Variants in SEPTIN14 observed in about 807,000 individuals in gnomAD.
The protein encoded by SEPTIN14 is septin 14, also known as septin-14.
Under a neutral mutation model 53.6 loss-of-function variants are expected in SEPTIN14, and 40 were observed. The observed-to-expected ratio is 0.75, with a 90% CI of 0.58 to 0.97. The LOEUF (loss-of-function observed/expected upper bound fraction) is 0.97, where lower values mean the gene tolerates loss of function less well. Among genes scored for constraint, SEPTIN14 ranks in the 50% least tolerant of loss-of-function variants. SEPTIN14 has a pLI of 0.00. For synonymous variants in SEPTIN14, 138 were observed against 166.8 expected (o/e 0.83, Z 1.33); for missense variants, 471 against 508.2 (o/e 0.93, Z 0.70).
chr7:55,805,507 C>G, intron 8 of SEPTIN14, 117 bp from the exon 9 acceptor site: 1 of 628,364 alleles, frequency 1.6e-6, no homozygotes, highest in South Asian at 2.0e-5. Context: ...GCCTGGGAGA[C>G]AGAGTAAGAC....
chr7:55,835,114 C>T (rs1312578319), intron 5 of SEPTIN14, among the ~76,000 whole-genome samples: 3 of 152,066 alleles, frequency 2.0e-5, no homozygotes, highest in African/African-American at 7.2e-5. Flanking sequence ...CCTTGTTTCT[C>T]TTCTAAAAAT....
chr7:55,855,158 G>A lies in SEPTIN14; in HGVS notation c.54+6785C>T, dbSNP rs557786473. Reference sequence around the variant, plus strand: ...CAAGTAGCTGGGACTACAGGCGCCCGCCACCGTGCCCAGCTAATTTTTTGT... The same window carrying A: ...CAAGTAGCTGGGACTACAGGCGCCCACCACCGTGCCCAGCTAATTTTTTGT... On this transcript the variant is annotated intron_variant, in intron 2 of 9. Coordinates refer to ENST00000388975, the MANE Select transcript of SEPTIN14 (RefSeq NM_207366.3). Among the ~76,000 whole-genome samples, 8 of 152,110 alleles carry A rather than the reference G, an allele frequency of 5.3e-5. 1 individual carries two copies. The highest frequency in any genetic ancestry group is 7.2e-5 in the African/African-American group (3 of 41,532).
intron 7 of SEPTIN14, among the ~76,000 whole-genome samples, chr7:55,816,678 A>T (rs549482452): frequency 6.6e-6 from 1 of 152,038 alleles, no homozygotes; most frequent in Non-Finnish European, 1.5e-5. Context: ...TTGGTGGCGC[A>T]TGCCTGTAAT....
chr7:55,856,809 A>C (rs1325901781), intron 2 of SEPTIN14, among the ~76,000 whole-genome samples: 2 of 152,110 alleles, frequency 1.3e-5, no homozygotes, highest in Non-Finnish European at 2.9e-5. Context: ...GTGGTGGCTC[A>C]CACCCATAAT....
At chr7:55,824,703 C>T (rs28768376) in intron 6 of SEPTIN14, among the ~76,000 whole-genome samples, 11,491 of 151,934 alleles carry the variant, frequency 0.076, 959 homozygotes, top group African/African-American at 0.21. Context: ...GCAGGAGAAT[C>T]GCTTGAACCC....
At position 55,856,144 on chromosome 7, in the gene SEPTIN14, C is replaced by T. The variant is rs181821780; in HGVS notation, c.54+5799G>A. On this transcript the variant is annotated intron_variant, in intron 2 of 9. Coordinates refer to ENST00000388975, the MANE Select transcript of SEPTIN14 (RefSeq NM_207366.3). ...CAATAGGTAGATTTTCTGCCCTCAC[C>T]CCCTCCCTCCCTCACCCTCTAGTAG... Among the ~76,000 whole-genome samples the T allele has an allele frequency of 2.1e-3, 321 of 151,668 alleles. 2 individuals carry two copies. The highest frequency in any genetic ancestry group is 7.1e-3 in the African/African-American group (295 of 41,320).
chr7:55,830,347 A>ATTTTTTTTTTTTTTTTT (rs1283196897), intron 6 of SEPTIN14, among the ~76,000 whole-genome samples: 10 of 50,406 alleles, frequency 2.0e-4, no homozygotes, highest in African/African-American at 1.6e-3. Context: ...ATATATATAT[A>ATTTTTTTTTTTTTTTTT]TATTTTTTTT....
Position 55,849,543 on chromosome 7 carries a change from T to C in SEPTIN14, c.55-2906A>G, listed in dbSNP as rs186537873. Reference sequence around the variant, plus strand: ...GGGAGATCACCTGAGGTCAGGAGTTTGAGACCAGCCTGACCAACATGGAAA... The same window carrying C: ...GGGAGATCACCTGAGGTCAGGAGTTCGAGACCAGCCTGACCAACATGGAAA... On this transcript the variant is annotated intron_variant, in intron 2 of 9. Coordinates refer to ENST00000388975, the MANE Select transcript of SEPTIN14 (RefSeq NM_207366.3). Among the ~76,000 whole-genome samples, 424 of 150,696 alleles carry C rather than the reference T, an allele frequency of 2.8e-3. 5 individuals carry two copies. Among genetic ancestry groups the C allele is most frequent in the Middle Eastern group, 0.011 (3 of 284 alleles).
At chr7:55,858,843 A>G (rs969140895) in intron 2 of SEPTIN14, among the ~76,000 whole-genome samples, 5 of 152,150 alleles carry the variant, frequency 3.3e-5, no homozygotes, top group African/African-American at 9.6e-5. Flanking sequence ...GAATCACACT[A>G]TAGCAACATC....
chr7:55,850,558 C>CA (rs1789500066), intron 2 of SEPTIN14, among the ~76,000 whole-genome samples: 1 of 152,200 alleles, frequency 6.6e-6, no homozygotes, highest in East Asian at 1.9e-4. Context: ...TGCATAGCTG[C>CA]AAAAATTCTT....
intron 1 of SEPTIN14, among the ~76,000 whole-genome samples, 191 bp downstream of exon 1, chr7:55,862,497 T>C (rs2116093732): frequency 6.6e-6 from 1 of 152,302 alleles, no homozygotes; most frequent in South Asian, 2.1e-4. Context: ...CCTAAACAAG[T>C]TCTTTAGACA....
rs185656898 is a variant in SEPTIN14, at chr7:55,834,706, G to A, written c.559-120C>T. On this transcript the variant is annotated intron_variant, in intron 5 of 9. Coordinates refer to ENST00000388975, the MANE Select transcript of SEPTIN14 (RefSeq NM_207366.3). ...CGCCCAGGCTGGAGTGCAGGGGCAC[G>A]ATCTCGGCTCACTGCAAGCTCCGCC... 329 of 679,780 alleles carry A rather than the reference G, an allele frequency of 4.8e-4. 2 individuals are homozygous for A. The East Asian group carries it at 5.4e-3, about 11-fold the overall frequency. The allele number at this position is 679,780 out of a possible 1,614,324, so 42.1% of individuals were successfully genotyped here. A position where few individuals can be genotyped will look rare whatever the true frequency, so the allele number is the denominator to read the frequency against.
intron 6 of SEPTIN14, among the ~76,000 whole-genome samples, chr7:55,823,034 G>A (rs989983600): frequency 6.6e-6 from 1 of 152,158 alleles, no homozygotes; most frequent in Admixed American, 6.5e-5. Context: ...GCAGGAGGCG[G>A]ACAAATGCCT....
chr7:55,844,472 A>G, intron 4 of SEPTIN14, 51 bp downstream of exon 4: 1 of 1,079,098 alleles, frequency 9.3e-7, no homozygotes, highest in Non-Finnish European at 1.3e-6. Context: ...AAGGAAGTCA[A>G]ATTCCTTGAA....
chr7:55,851,890 C>A (rs981585677), intron 2 of SEPTIN14, among the ~76,000 whole-genome samples: 1 of 152,116 alleles, frequency 6.6e-6, no homozygotes, highest in African/African-American at 2.4e-5. Flanking sequence ...CGCCTGTAAT[C>A]CCAGCACTTT....
At position 55,837,359 on chromosome 7, in the gene SEPTIN14, C is replaced by T. The variant is rs192878645; in HGVS notation, c.559-2773G>A. On this transcript the variant is annotated intron_variant, in intron 5 of 9. Coordinates refer to ENST00000388975, the MANE Select transcript of SEPTIN14 (RefSeq NM_207366.3). ...CTCAAACTTCCAGGCTCAGGCAATCCTCCCTCCTCAGCCTCCCAAAGTGCT... is the reference window on the plus strand; with the variant it reads ...CTCAAACTTCCAGGCTCAGGCAATCTTCCCTCCTCAGCCTCCCAAAGTGCT... 5.3e-5 allele frequency among the ~76,000 whole-genome samples: 8 copies of T among 152,234 alleles called. No homozygotes were observed. In the East Asian group the frequency reaches 1.4e-3, roughly 26 times the overall value.
At chr7:55,836,903 A>G (rs1221446188) in intron 5 of SEPTIN14, among the ~76,000 whole-genome samples, 1 of 152,166 alleles carries the variant, frequency 6.6e-6, no homozygotes, top group East Asian at 1.9e-4. Flanking sequence ...TGAACAATAT[A>G]TAGTAAAAGT....
intron 8 of SEPTIN14, 45 bp from the exon 9 acceptor site, chr7:55,805,435 A>C: frequency 6.9e-7 from 1 of 1,453,564 alleles, no homozygotes; most frequent in Non-Finnish European, 9.3e-7. Context: ...ATGAGGTAGG[A>C]GGATCGCTTG....
At chr7:55,821,975 C>T (rs77255419) in intron 6 of SEPTIN14, among the ~76,000 whole-genome samples, 151 of 152,166 alleles carry the variant, frequency 9.9e-4, no homozygotes, top group Non-Finnish European at 2.0e-3. Context: ...TACATGGCAG[C>T]GGCAAGAGAA....
Sources: allele counts gnomAD v4.1 joint callset (sites outside exome capture counted in the v4.1 genomes callset), GRCh38; gene constraint gnomAD v4.1.1; transcripts MANE v1.5; gene names NCBI Gene and HGNC (gene_info 2026-07-23, HGNC 2026-07-21).